Variants in PITPNB observed in about 807,000 individuals in gnomAD.
PITPNB encodes phosphatidylinositol transfer protein beta.
Under a neutral mutation model 45.9 loss-of-function variants are expected in PITPNB, and 16 were observed. That is an observed-to-expected ratio of 0.35 (90% CI 0.24 to 0.53). The LOEUF is 0.53. Among genes scored for constraint, PITPNB ranks in the 20% least tolerant of loss-of-function variants. The pLI is 0.93. For synonymous variants in PITPNB, 112 were observed against 108.9 expected (o/e 1.03, Z -0.18); for missense variants, 188 against 330.5 (o/e 0.57, Z 3.34).
rs1935484802 is a variant in PITPNB at position 27,898,058 on chromosome 22, T to C, written c.198-166A>G. On this transcript the variant is annotated intron_variant, in intron 3 of 11. Coordinates refer to ENST00000335272, the MANE Select transcript of PITPNB (RefSeq NM_012399.5). Reference sequence around the variant, plus strand: ...AATCCAGTAGAAATGAACACATAATTTTTTACATTTTAAATAAAAATGATT... The same window carrying C: ...AATCCAGTAGAAATGAACACATAATCTTTTACATTTTAAATAAAAATGATT... 1.2e-5 allele frequency: 7 copies of C among 584,746 alleles called. No homozygotes were observed. The Admixed American group carries it at 2.0e-4, about 17-fold the overall frequency. The allele number at this position is 584,746 out of a possible 1,614,324, so 36.2% of individuals were successfully genotyped here.
chr22:27,872,081 G>GTTTTTT (rs58288724), intron 8 of PITPNB, among the ~76,000 whole-genome samples: 6 of 64,368 alleles, frequency 9.3e-5, no homozygotes, highest in African/African-American at 1.2e-4. Flanking sequence ...ATTAAGCCTG[G>GTTTTTT]TTTTTTTTTT....
chr22:27,894,700 A>G (rs1344571778), intron 6 of PITPNB, 62 bp from the exon 7 acceptor site: 1 of 925,496 alleles, frequency 1.1e-6, no homozygotes, highest in Non-Finnish European at 1.7e-6. Flanking sequence ...ATGCTTACAC[A>G]TATAATCTTT....
rs1934061647 is a variant in PITPNB at position 27,852,854 on chromosome 22, G to C, written c.*848C>G. 6.6e-6 allele frequency: 1 copy of C among 152,552 alleles called. No individual in the cohort carries two copies. Among genetic ancestry groups the C allele is most frequent in the East Asian group, 1.9e-4 (1 of 5,196 alleles). The allele number at this position is 152,552 out of a possible 1,614,324, so 9.4% of individuals were successfully genotyped here. A position where few individuals can be genotyped will look rare whatever the true frequency, so the allele number is the denominator to read the frequency against. ...TTTGTCTAACAGGAGCCTGAAAACT[G>C]TCTAGTATTTATTATAAATCAGAAA... On this transcript the variant is annotated 3_prime_UTR_variant, in exon 12 of 12. Transcript: ENST00000335272.
In PITPNB at chr22:27,852,615, C is replaced by T. The variant is rs1224052152; in HGVS notation, c.*1087G>A. ...GTTCCTATCTCAAAGTCACTATCTC[C>T]TCCTTGAAGTGTGTGTTCCCACAAG... is the stretch of plus-strand genomic sequence containing the variant. On this transcript the variant is annotated 3_prime_UTR_variant, in exon 12 of 12. Transcript: ENST00000335272. 1.3e-5 allele frequency: 2 copies of T among 152,242 alleles called. No homozygotes were observed. Among genetic ancestry groups the T allele is most frequent in the Non-Finnish European group, 2.9e-5 (2 of 68,074 alleles). 9.4% of individuals were successfully genotyped at this position (152,242 alleles called of 1,614,324 possible).
At chr22:27,913,711 C>G (rs1237643918) in intron 2 of PITPNB, among the ~76,000 whole-genome samples, 2 of 152,162 alleles carry the variant, frequency 1.3e-5, no homozygotes, top group African/African-American at 4.8e-5. Context: ...GTAGCAAGTC[C>G]ACATATCATG....
chr22:27,854,984 AT>A, intron 10 of PITPNB, 45 bp from the exon 11 acceptor site: 1 of 1,363,964 alleles, frequency 7.3e-7, no homozygotes, highest in South Asian at 1.2e-5. Flanking sequence ...CAGACTCTAA[AT>A]AGGGGTTAGT....
intron 8 of PITPNB, 118 bp downstream of exon 8, chr22:27,873,620 A>G (rs1934734046): frequency 4.4e-6 from 3 of 675,232 alleles, no homozygotes; most frequent in Non-Finnish European, 8.1e-6. Flanking sequence ...TCGCAAATAA[A>G]ACTATTTTTG....
At chr22:27,886,654 G>C (rs529797120) in intron 7 of PITPNB, among the ~76,000 whole-genome samples, 2 of 152,166 alleles carry the variant, frequency 1.3e-5, no homozygotes, top group South Asian at 2.1e-4. Flanking sequence ...TAAATCTTAA[G>C]AGTAATCAAC....
intron 3 of PITPNB, among the ~76,000 whole-genome samples, chr22:27,901,033 G>C (rs1935576287): frequency 6.6e-6 from 1 of 152,096 alleles, no homozygotes; most frequent in African/African-American, 2.4e-5. Flanking sequence ...TCCTTCAGTT[G>C]TCCTCCCAAA....
intron 1 of PITPNB, among the ~76,000 whole-genome samples, chr22:27,916,644 T>G (rs1936084196): frequency 6.6e-6 from 1 of 151,924 alleles, no homozygotes; most frequent in Non-Finnish European, 1.5e-5. Context: ...CTACTAAAAA[T>G]ACAAAAAATT....
At chr22:27,886,674 G>A (rs1016922266) in intron 7 of PITPNB, among the ~76,000 whole-genome samples, 1 of 152,174 alleles carries the variant, frequency 6.6e-6, no homozygotes, top group African/African-American at 2.4e-5. Context: ...CAATCACTCT[G>A]AATTAAAATA....
intron 7 of PITPNB, among the ~76,000 whole-genome samples, chr22:27,886,943 A>G (rs1156425382): frequency 6.6e-6 from 1 of 152,192 alleles, no homozygotes; most frequent in Non-Finnish European, 1.5e-5. Flanking sequence ...ATGAAAAATC[A>G]CTGATTAAAT....
chr22:27,907,236 C>T (rs572687898), intron 3 of PITPNB, among the ~76,000 whole-genome samples: 3 of 152,288 alleles, frequency 2.0e-5, no homozygotes, highest in Admixed American at 2.0e-4. Flanking sequence ...TGAGATGATG[C>T]CCTAAAGAAA....
intron 7 of PITPNB, among the ~76,000 whole-genome samples, chr22:27,877,042 A>G (rs750689520): frequency 6.6e-6 from 1 of 152,210 alleles, no homozygotes; most frequent in Non-Finnish European, 1.5e-5. Flanking sequence ...TGAATTTGCT[A>G]TGCACTTTCT....
intron 3 of PITPNB, among the ~76,000 whole-genome samples, chr22:27,907,674 G>A (rs1380612717): frequency 6.6e-6 from 1 of 151,806 alleles, no homozygotes; most frequent in Non-Finnish European, 1.5e-5. Context: ...ATCAACCCTC[G>A]CCATCCCAGC....
At position 27,919,226 on chromosome 22, in the gene PITPNB, C is replaced by T; in HGVS notation, c.-35G>A. ...ACCCCCTCACAGCTGCCGCCGATAC[C>T]ACCGCCGCCGCCGCCGCTACCGCCT... On this transcript the variant is annotated 5_prime_UTR_variant, in exon 1 of 12. Coordinates refer to ENST00000335272, the MANE Select transcript of PITPNB (RefSeq NM_012399.5). 6.3e-7 allele frequency: 1 copy of T among 1,583,194 alleles called. No individual in the cohort carries two copies. Among genetic ancestry groups the T allele is most frequent in the Non-Finnish European group, 8.7e-7 (1 of 1,154,180 alleles).
intron 5 of PITPNB, 117 bp from the exon 6 acceptor site, chr22:27,896,743 T>TA: frequency 1.5e-6 from 1 of 665,074 alleles, no homozygotes; most frequent in East Asian, 2.7e-5. Context: ...AGGAGACTGA[T>TA]ACTCAAGTGA....
Position 27,919,230 on chromosome 22 carries a change from G to A in PITPNB, c.-39C>T, listed in dbSNP as rs750183919. 3.6e-5 allele frequency: 52 copies of A among 1,432,036 alleles called. No homozygotes were observed. Among genetic ancestry groups the A allele is most frequent in the East Asian group, 2.3e-4 (10 of 43,504 alleles). 88.7% of individuals were successfully genotyped at this position (1,432,036 alleles called of 1,614,324 possible). A position where few individuals can be genotyped will look rare whatever the true frequency, so the allele number is the denominator to read the frequency against. On this transcript the variant is annotated 5_prime_UTR_variant, in exon 1 of 12. Coordinates refer to ENST00000335272, the MANE Select transcript of PITPNB (RefSeq NM_012399.5). ...CCTCACAGCTGCCGCCGATACCACC[G>A]CCGCCGCCGCCGCTACCGCCTCTCA...
chr22:27,874,839 C>A (rs1219450165), intron 7 of PITPNB, among the ~76,000 whole-genome samples: 1 of 152,128 alleles, frequency 6.6e-6, no homozygotes, highest in Non-Finnish European at 1.5e-5. Context: ...TCACAGAATT[C>A]GTGAAGAGAC....
Sources: gnomAD v4.1 joint callset for allele counts (sites outside exome capture counted in the v4.1 genomes callset) on GRCh38, gnomAD v4.1.1 for gene constraint, MANE v1.5 for transcripts, NCBI Gene and HGNC (gene_info 2026-07-23, HGNC 2026-07-21) for gene names.